The following ZPBP variants were observed in gnomAD, a reference collection of about 807,000 sequenced individuals.
ZPBP encodes the protein zona pellucida binding protein, also known as zona pellucida-binding protein 1.
ZPBP carries 26 observed loss-of-function variants against 44.8 expected under a neutral mutation model. That is an observed-to-expected ratio of 0.58 (90% CI 0.43 to 0.81). ZPBP has a LOEUF of 0.81. Ranked by LOEUF, ZPBP falls within the 30% of genes least tolerant of loss-of-function variation. The probability of loss-of-function intolerance (pLI) is 0.00; values close to 1 mark genes in which losing one functional copy is unlikely to be tolerated. For missense variants in ZPBP, 409 were observed against 434.0 expected (o/e 0.94, Z 0.51); for synonymous variants, 174 against 153.2 (o/e 1.14, Z -1.00).
chr7:49,948,726 G>A (rs959941731), intron 7 of ZPBP, among the ~76,000 whole-genome samples: 37 of 152,130 alleles, frequency 2.4e-4, no homozygotes, highest in African/African-American at 8.7e-4. Flanking sequence ...ACTAGTGTTG[G>A]TGAGGACATG....
chr7:50,010,970 A>G (rs1319372831), intron 6 of ZPBP, among the ~76,000 whole-genome samples: 3 of 151,792 alleles, frequency 2.0e-5, no homozygotes, highest in African/African-American at 7.3e-5. Flanking sequence ...AAACTATACT[A>G]TGAACTACAG....
At chr7:50,010,618 T>C (rs1034017553) in intron 6 of ZPBP, among the ~76,000 whole-genome samples, 4 of 151,882 alleles carry the variant, frequency 2.6e-5, no homozygotes, top group African/African-American at 7.3e-5. Context: ...GCAAAAATAG[T>C]GAAATGCTTA....
intron 6 of ZPBP, among the ~76,000 whole-genome samples, chr7:50,015,424 G>A (rs771577210): frequency 6.6e-6 from 1 of 151,888 alleles, no homozygotes; most frequent in Non-Finnish European, 1.5e-5. Flanking sequence ...ATCAACTCAC[G>A]ATGGATTAAA....
chr7:49,970,466 C>CTTTTTTTTTTTT (rs771955717), intron 7 of ZPBP, among the ~76,000 whole-genome samples: 8 of 85,214 alleles, frequency 9.4e-5, no homozygotes, highest in South Asian at 4.3e-4. Context: ...GCTGAATATA[C>CTTTTTTTTTTTT]TTTTTTTTTT....
chr7:50,040,945 G>C (rs1317479743), intron 4 of ZPBP, among the ~76,000 whole-genome samples: 1 of 152,180 alleles, frequency 6.6e-6, no homozygotes, highest in Non-Finnish European at 1.5e-5. Flanking sequence ...GTCTGAGGTC[G>C]ACCTGGGATG....
chr7:49,969,197 G>T (rs1796182666), intron 7 of ZPBP, among the ~76,000 whole-genome samples: 2 of 148,652 alleles, frequency 1.3e-5, no homozygotes, highest in Non-Finnish European at 1.5e-5. Flanking sequence ...AATAGAATAT[G>T]ATATATAGAA....
chr7:50,020,367 A>G (rs1799031281), intron 5 of ZPBP, among the ~76,000 whole-genome samples: 1 of 152,172 alleles, frequency 6.6e-6, no homozygotes, highest in Non-Finnish European at 1.5e-5. Context: ...ATCAAAAGAA[A>G]TATAAGGTCT....
downstream of ZPBP, chr7:49,937,394 A>G (rs1343339186): frequency 1.0e-5 from 7 of 693,032 alleles, no homozygotes; most frequent in South Asian, 1.7e-5. Flanking sequence ...ACATTTGGAC[A>G]TACAGTATTT....
chr7:49,937,707 AG>A, intron 7 of ZPBP, 85 bp from the exon 8 acceptor site: 1 of 1,090,152 alleles, frequency 9.2e-7, no homozygotes, highest in Admixed American at 1.8e-5. Context: ...TTAAGTGTAT[AG>A]TTCAGTAGTA....
intron 2 of ZPBP, among the ~76,000 whole-genome samples, chr7:49,851,887 A>AGGGT (rs992349100): frequency 6.6e-6 from 1 of 151,348 alleles, no homozygotes; most frequent in Non-Finnish European, 1.5e-5. Flanking sequence ...CAAAATGGCC[A>AGGGT]GACCCCACAG....
At chr7:50,056,684 T>G (rs1439769318) in intron 4 of ZPBP, among the ~76,000 whole-genome samples, 3 of 152,166 alleles carry the variant, frequency 2.0e-5, no homozygotes, top group Non-Finnish European at 4.4e-5. Flanking sequence ...GCAGGAGCAG[T>G]GTCATCTCGG....
chr7:50,018,108 GT>G (rs1184618571), intron 6 of ZPBP, 131 bp downstream of exon 6: 5 of 676,266 alleles, frequency 7.4e-6, no homozygotes, highest in Non-Finnish European at 1.3e-5. Flanking sequence ...AGTGGGTAAA[GT>G]TTTATTTTTA....
chr7:49,954,349 A>C (rs1540605), intron 7 of ZPBP, among the ~76,000 whole-genome samples: 118,225 of 152,076 alleles, frequency 0.78, 46,127 homozygotes, highest in East Asian at 0.89. Context: ...ATCCCTGGAA[A>C]AAAACATAAG....
At chr7:49,878,074 G>A (rs1791517820) in intron 2 of ZPBP, among the ~76,000 whole-genome samples, 2 of 151,916 alleles carry the variant, frequency 1.3e-5, no homozygotes, top group South Asian at 2.1e-4. Flanking sequence ...TTCAGTGACC[G>A]CTCCAGCTGT....
Position 50,020,592 on chromosome 7 carries a change from G to T in ZPBP, c.707-2276C>A, listed in dbSNP as rs368785674. ...TCTCGCACATCCCCTCTTTATTTAG[G>T]CTAGTTGACTAACCTCATCCTGTAT... On this transcript the variant is annotated intron_variant, in intron 5 of 7. Transcript: ENST00000046087. Among the ~76,000 whole-genome samples the T allele has an allele frequency of 7.9e-5, 12 of 152,046 alleles. No homozygotes were observed. In the South Asian group the frequency reaches 1.0e-3, roughly 13 times the overall value.
intron 2 of ZPBP, among the ~76,000 whole-genome samples, chr7:49,882,195 A>G (rs111692833): frequency 1.4e-4 from 22 of 152,188 alleles, no homozygotes; most frequent in African/African-American, 4.8e-4. Context: ...AAAGAGAACA[A>G]AACTAGTGGA....
chr7:49,918,436 T>C (rs772480660), intron 1 of ZPBP: 19 of 152,202 alleles, frequency 1.2e-4, no homozygotes, highest in Non-Finnish European at 2.6e-4. Flanking sequence ...TCTTGATACT[T>C]GTCAAAGTAA....
intron 2 of ZPBP, among the ~76,000 whole-genome samples, chr7:49,888,394 A>G (rs1791987479): frequency 1.3e-5 from 2 of 152,212 alleles, no homozygotes; most frequent in Non-Finnish European, 2.9e-5. Context: ...CAATTTAGGT[A>G]TGGTATAGAG....
At chr7:49,956,404 A>G (rs918610407) in intron 7 of ZPBP, among the ~76,000 whole-genome samples, 25 of 152,090 alleles carry the variant, frequency 1.6e-4, no homozygotes, top group Non-Finnish European at 8.8e-5. Context: ...CAAGAAATCT[A>G]TTTTTTGAAA....
Sources: gnomAD v4.1 joint callset for allele counts (sites outside exome capture counted in the v4.1 genomes callset) on GRCh38, gnomAD v4.1.1 for gene constraint, MANE v1.5 for transcripts, NCBI Gene and HGNC (gene_info 2026-07-23, HGNC 2026-07-21) for gene names.